PCDHGB1: variants seen among roughly 807,000 people sequenced by gnomAD.
PCDHGB1 encodes the protein protocadherin gamma subfamily B, 1, also known as protocadherin gamma-B1.
Under a neutral mutation model 56.6 loss-of-function variants are expected in PCDHGB1, and 34 were observed. That is an observed-to-expected ratio of 0.60 (90% confidence interval 0.46 to 0.80). PCDHGB1 has a LOEUF of 0.80. Ranked by LOEUF, PCDHGB1 falls within the 30% of genes least tolerant of loss-of-function variation. The probability of loss-of-function intolerance (pLI) is 0.00; values close to 1 mark genes in which losing one functional copy is unlikely to be tolerated. For synonymous variants in PCDHGB1, 561 were observed against 505.9 expected (o/e 1.11, Z -1.46); for missense variants, 1,278 against 1,204.6 (o/e 1.06, Z -0.90).
At chr5:141,356,550 C>T (rs954388230) in intron 1 of PCDHGB1, 1 of 1,614,172 alleles carries the variant, frequency 6.2e-7, no homozygotes, top group Non-Finnish European at 8.5e-7. Flanking sequence ...ACAACCCACC[C>T]ACTTTCCCTC....
intron 1 of PCDHGB1, chr5:141,392,600 G>A: frequency 2.0e-6 from 1 of 505,338 alleles, no homozygotes; most frequent in East Asian, 3.2e-5. Context: ...TCACCTACTG[G>A]AAGACAAATG....
chr5:141,506,760 G>A (rs1018086132), intron 3 of PCDHGB1, among the ~76,000 whole-genome samples: 1 of 152,128 alleles, frequency 6.6e-6, no homozygotes, highest in Non-Finnish European at 1.5e-5. Context: ...CTAGCTTCTG[G>A]AGCAGCAAAT....
chr5:141,429,389 A>ATTT (rs1561841246), intron 1 of PCDHGB1, among the ~76,000 whole-genome samples: 155 of 147,652 alleles, frequency 1.0e-3, no homozygotes, highest in African/African-American at 3.7e-3. Flanking sequence ...TTTTTTTTTA[A>ATTT]AAAAAATTGA....
rs768990626 is a variant in PCDHGB1, at chr5:141,427,590, C to T, written c.2410-67217C>T. On this transcript the variant is annotated intron_variant, in intron 1 of 3. Coordinates refer to ENST00000523390, the MANE Select transcript of PCDHGB1 (RefSeq NM_018922.3). ...GCCTCCGCTCTCATCCAGCACAAGCCTCACCCTACGCATTGGTGAAGTCAA... is the reference window on the plus strand; with the variant it reads ...GCCTCCGCTCTCATCCAGCACAAGCTTCACCCTACGCATTGGTGAAGTCAA... 44 of 678,892 alleles carry T rather than the reference C, an allele frequency of 6.5e-5. No individual in the cohort carries two copies. In the Admixed American group the frequency reaches 8.5e-4, roughly 13 times the overall value. The allele number at this position is 678,892 out of a possible 1,614,324, so 42.1% of individuals were successfully genotyped here.
In PCDHGB1 at chr5:141,413,886, C is replaced by T. The variant is rs916273509; in HGVS notation, c.2409+61217C>T. The T allele has an allele frequency of 8.7e-6, 14 of 1,613,202 alleles. No homozygotes were observed. The African/African-American group carries it at 1.7e-4, about 20-fold the overall frequency. On this transcript the variant is annotated intron_variant, in intron 1 of 3. Transcript: ENST00000523390. ...CTGTCCTTGTCAGTGTGACTGTCTT[C>T]GATGCAAATGACAACGCGCCGGTCT...
chr5:141,398,111 T>C, intron 1 of PCDHGB1: 1 of 1,594,080 alleles, frequency 6.3e-7, no homozygotes, highest in East Asian at 2.2e-5. Context: ...GTGAGCAAGC[T>C]GAGGAGAGCA....
intron 1 of PCDHGB1, chr5:141,384,324 T>C (rs373247436): frequency 6.2e-7 from 1 of 1,613,862 alleles, no homozygotes; most frequent in Non-Finnish European, 8.5e-7. Flanking sequence ...TCTTAGTGAC[T>C]GCACAGGACC....
intron 1 of PCDHGB1, chr5:141,373,991 A>G (rs1241221882): frequency 8.2e-7 from 1 of 1,223,018 alleles, no homozygotes; most frequent in Non-Finnish European, 1.1e-6. Context: ...CTGCTTGTTG[A>G]AGGACCTTCA....
intron 3 of PCDHGB1, among the ~76,000 whole-genome samples, chr5:141,506,429 A>G (rs1406730781): frequency 7.0e-6 from 1 of 143,144 alleles, no homozygotes; most frequent in Non-Finnish European, 1.5e-5. Flanking sequence ...CCTGGGCAAC[A>G]GTCTCGCTCT....
chr5:141,431,225 C>A lies in PCDHGB1; in HGVS notation c.2410-63582C>A. On this transcript the variant is annotated intron_variant, in intron 1 of 3. Coordinates refer to ENST00000523390, the MANE Select transcript of PCDHGB1 (RefSeq NM_018922.3). The surrounding 1 kb of genome is among the most constrained non-coding windows in gnomAD (Gnocchi z 4.8). ...CACTGAGATGCGGTTCCCTCTACCC[C>A]ACGCCTGGGATCCGGATATCGGGAA... The A allele has an allele frequency of 1.2e-6, 2 of 1,614,118 alleles. No individual in the cohort carries two copies. The highest frequency in any genetic ancestry group is 1.7e-6 in the Non-Finnish European group (2 of 1,180,036).
At chr5:141,376,381 T>C (rs1588802356) in intron 1 of PCDHGB1, 13 of 1,613,972 alleles carry the variant, frequency 8.1e-6, no homozygotes, top group Middle Eastern at 1.7e-4. Context: ...CGCGTAAGAG[T>C]CATCTGATTT....
At chr5:141,466,280 C>T (rs1181499549) in intron 1 of PCDHGB1, among the ~76,000 whole-genome samples, 1 of 152,142 alleles carries the variant, frequency 6.6e-6, no homozygotes, top group Admixed American at 6.6e-5. Flanking sequence ...AAGCAATCTT[C>T]CCACCTCAGG....
chr5:141,388,326 C>T, intron 1 of PCDHGB1: 1 of 1,613,878 alleles, frequency 6.2e-7, no homozygotes, highest in Non-Finnish European at 8.5e-7. Context: ...GTCTGCACAG[C>T]CTGGCACACG....
At chr5:141,356,176 G>C (rs1169279400) in intron 1 of PCDHGB1, 1 of 1,612,348 alleles carries the variant, frequency 6.2e-7, no homozygotes, top group Admixed American at 1.7e-5. Context: ...TGATGGGCCT[G>C]GTCTCCGAGC....
chr5:141,367,835 C>T (rs1423216035), intron 1 of PCDHGB1: 1 of 151,994 alleles, frequency 6.6e-6, no homozygotes, highest in East Asian at 1.9e-4. Context: ...GAATCAATAC[C>T]TACTGCAATG....
chr5:141,361,247 C>A (rs745887185), intron 1 of PCDHGB1: 2 of 1,613,946 alleles, frequency 1.2e-6, no homozygotes, highest in South Asian at 1.1e-5. Context: ...TTGATAAAAA[C>A]GAGAGACAGA....
intron 1 of PCDHGB1, among the ~76,000 whole-genome samples, chr5:141,353,623 T>A (rs1473472118): frequency 6.6e-6 from 1 of 152,252 alleles, no homozygotes; most frequent in Non-Finnish European, 1.5e-5. Context: ...TTATTTGTTT[T>A]TATGCTCTTT....
In PCDHGB1 at chr5:141,374,472, C is replaced by T. The variant is rs749966400; in HGVS notation, c.2409+21803C>T. The T allele has an allele frequency of 5.0e-6, 8 of 1,612,276 alleles. No individual in the cohort carries two copies. The South Asian group carries it at 7.7e-5, about 15-fold the overall frequency. ...GAAATAGTGGACATTAATGACAATA[C>T]ACCCCGATTCTTAAAGGAAGAATTG... On this transcript the variant is annotated intron_variant, in intron 1 of 3. Transcript: ENST00000523390.
In PCDHGB1 at chr5:141,356,681, A is replaced by G. The variant is rs771665475; in HGVS notation, c.2409+4012A>G. The G allele has an allele frequency of 1.2e-6, 2 of 1,613,942 alleles. No homozygotes were observed. The highest frequency in any genetic ancestry group is 1.7e-6 in the Non-Finnish European group (2 of 1,179,864). On this transcript the variant is annotated intron_variant, in intron 1 of 3. Coordinates refer to ENST00000523390, the MANE Select transcript of PCDHGB1 (RefSeq NM_018922.3). Reference sequence around the variant, plus strand: ...CGAATCACTTACTCCCTGGCCGAAGACACCTTCCAGGGTGCACCTCTGTCC... The same window carrying G: ...CGAATCACTTACTCCCTGGCCGAAGGCACCTTCCAGGGTGCACCTCTGTCC...
Sources: gnomAD v4.1 joint callset for allele counts (sites outside exome capture counted in the v4.1 genomes callset) on GRCh38, gnomAD v4.1.1 for gene constraint, Gnocchi (gnomAD v3.1) non-coding constraint, MANE v1.5 for transcripts, NCBI Gene and HGNC (gene_info 2026-07-23, HGNC 2026-07-21) for gene names.